Variants in PCDHGC4 observed in about 807,000 individuals in gnomAD.
The protein encoded by PCDHGC4 is protocadherin gamma subfamily C, 4.
PCDHGC4 carries 15 observed loss-of-function variants against 59.7 expected under a neutral mutation model. The ratio of observed to expected loss-of-function variants is 0.25; its 90% CI spans 0.17 to 0.39. PCDHGC4 has a LOEUF of 0.39. PCDHGC4 is among the 10% of genes least tolerant of loss of function. The pLI is 1.00. For synonymous variants in PCDHGC4, 434 were observed against 481.4 expected (o/e 0.90, Z 1.29); for missense variants, 1,016 against 1,189.5 (o/e 0.85, Z 2.15).
rs936419038 is a variant in PCDHGC4 at position 141,493,313 on chromosome 5, G to T, written c.2443-1494G>T. On this transcript the variant is annotated intron_variant, in intron 1 of 3. Transcript: ENST00000306593. This position sits in a 1 kb window ranked among gnomAD's most constrained non-coding sequence, Gnocchi z 4.3. ...TCAAGTTCACAGAGCAAGTAAGAGA[G>T]ATTCTAACCCCTGTCTAACTCCAGA... Among the ~76,000 whole-genome samples, 4 of 152,214 alleles carry T rather than the reference G, an allele frequency of 2.6e-5. No individual in the cohort carries two copies. Among genetic ancestry groups the T allele is most frequent in the Non-Finnish European group, 4.4e-5 (3 of 68,040 alleles).
chr5:141,511,453 T>G lies in PCDHGC4; in HGVS notation c.*280T>G. 1.7e-6 allele frequency: 1 copy of G among 595,822 alleles called. No individual in the cohort carries two copies. Among genetic ancestry groups the G allele is most frequent in the Non-Finnish European group, 2.8e-6 (1 of 360,062 alleles). 36.9% of individuals were successfully genotyped at this position (595,822 alleles called of 1,614,324 possible). ...GGTTACTGTAGACACCAAGAACCATTTGCCACACCCCGTTTAGTTACAGCT... is the reference window on the plus strand; with the variant it reads ...GGTTACTGTAGACACCAAGAACCATGTGCCACACCCCGTTTAGTTACAGCT... On this transcript the variant is annotated 3_prime_UTR_variant, in exon 4 of 4. Transcript: ENST00000306593.
intron 2 of PCDHGC4, among the ~76,000 whole-genome samples, chr5:141,502,845 T>G (rs2099816267): frequency 6.8e-6 from 1 of 147,606 alleles, no homozygotes; most frequent in South Asian, 2.1e-4. Context: ...CTGGCTGAGC[T>G]GCCTAACCCT....
chr5:141,504,010 C>G (rs980812107), intron 2 of PCDHGC4, among the ~76,000 whole-genome samples: 9 of 152,204 alleles, frequency 5.9e-5, no homozygotes, highest in African/African-American at 1.2e-4. Context: ...TTAACTGTCT[C>G]TGCTGGTCTC....
chr5:141,490,322 A>C lies in PCDHGC4; in HGVS notation c.2442+2707A>C. ...GCCTCTTTGGCCAACCCTGTCCTAGAGAGCACACCAGTGGGCACAGTAGTG... is the reference window on the plus strand; with the variant it reads ...GCCTCTTTGGCCAACCCTGTCCTAGCGAGCACACCAGTGGGCACAGTAGTG... On this transcript the variant is annotated intron_variant, in intron 1 of 3. Coordinates refer to ENST00000306593, the MANE Select transcript of PCDHGC4 (RefSeq NM_018928.3). This position sits in a 1 kb window ranked among gnomAD's most constrained non-coding sequence, Gnocchi z 5.4. The C allele has an allele frequency of 6.2e-7, 1 of 1,614,232 alleles. No individual in the cohort carries two copies. Among genetic ancestry groups the C allele is most frequent in the Non-Finnish European group, 8.5e-7 (1 of 1,180,038 alleles).
In PCDHGC4 at chr5:141,493,577, T is replaced by C. The variant is rs2099749081; in HGVS notation, c.2443-1230T>C. On this transcript the variant is annotated intron_variant, in intron 1 of 3. Coordinates refer to ENST00000306593, the MANE Select transcript of PCDHGC4 (RefSeq NM_018928.3). This position sits in a 1 kb window ranked among gnomAD's most constrained non-coding sequence, Gnocchi z 4.3. ...GAGTTCCCCCAGCTCCGTTTCCTCC[T>C]ATCACAATCACTGCATTTCCATGTA... Among the ~76,000 whole-genome samples, 2 of 152,208 alleles carry C rather than the reference T, an allele frequency of 1.3e-5. No homozygotes were observed. The highest frequency in any genetic ancestry group is 1.3e-4 in the Admixed American group (2 of 15,280).
chr5:141,507,796 G>GGGAA (rs2099863457), intron 3 of PCDHGC4, among the ~76,000 whole-genome samples: 1 of 152,220 alleles, frequency 6.6e-6, no homozygotes, highest in Admixed American at 6.5e-5. Flanking sequence ...GTCTAAGCCT[G>GGGAA]CGCCCTGGGG....
intron 2 of PCDHGC4, among the ~76,000 whole-genome samples, chr5:141,497,522 G>A (rs998999424): frequency 3.3e-5 from 5 of 150,848 alleles, no homozygotes; most frequent in African/African-American, 4.9e-5. Flanking sequence ...TAGTTAACTT[G>A]TGGAGGATGC....
chr5:141,502,667 T>G (rs2099815574), intron 2 of PCDHGC4, among the ~76,000 whole-genome samples: 1 of 152,236 alleles, frequency 6.6e-6, no homozygotes. Context: ...TTCATGCAAT[T>G]TTAGTATTCC....
chr5:141,486,673 A>G lies in PCDHGC4; in HGVS notation c.1500A>G (p.Arg500=). The change falls in exon 1 of 4, where the codon CGA becomes CGG. Residue 500 remains arginine (R), a synonymous_variant. Transcript: ENST00000306593. The surrounding 1 kb of genome is among the most constrained non-coding windows in gnomAD (Gnocchi z 5.0). ...ACTCACTCCTGGAGCCCAGGAATCG[A>G]GATGTATCAGCTTCCTCTTTCATCT... ...ISYSLLEPRN[R]DVSASSFISL... The G allele has an allele frequency of 6.2e-7, 1 of 1,614,014 alleles. No homozygotes were observed. The highest frequency in any genetic ancestry group is 2.2e-5 in the East Asian group (1 of 44,866).
At chr5:141,508,681 C>T (rs970069) in intron 3 of PCDHGC4, among the ~76,000 whole-genome samples, 26,289 of 151,984 alleles carry the variant, frequency 0.17, 2,539 homozygotes, top group Admixed American at 0.29. Flanking sequence ...CTCCCTTCTC[C>T]CTGCTTCTCC....
At position 141,485,789 on chromosome 5, in the gene PCDHGC4, T is replaced by G. The variant is rs1276069810; in HGVS notation, c.616T>G (p.Ser206Ala). The G allele has an allele frequency of 1.2e-6, 2 of 1,613,978 alleles. No individual in the cohort carries two copies. The highest frequency in any genetic ancestry group is 1.7e-6 in the Non-Finnish European group (2 of 1,180,030). The change falls in exon 1 of 4, where the codon TCG becomes GCG. Residue 206 changes from serine to alanine, a missense_variant. By Grantham distance (99) the Ser-to-Ala change is moderately conservative. Coordinates refer to ENST00000306593, the MANE Select transcript of PCDHGC4 (RefSeq NM_018928.3). This position sits in a 1 kb window ranked among gnomAD's most constrained non-coding sequence, Gnocchi z 5.7. ...LEKPLDREKQSDYRLVLTAVD... is the reference protein window; with the variant it reads ...LEKPLDREKQADYRLVLTAVD... ...GAAGCCTTTGGATCGAGAGAAGCAATCGGACTACCGCCTGGTGCTGACTGC... is the reference window on the plus strand; with the variant it reads ...GAAGCCTTTGGATCGAGAGAAGCAAGCGGACTACCGCCTGGTGCTGACTGC...
chr5:141,498,971 G>GGGAA (rs201769957), intron 2 of PCDHGC4, among the ~76,000 whole-genome samples: 8,226 of 110,874 alleles, frequency 0.074, 335 homozygotes, highest in Middle Eastern at 0.11. Flanking sequence ...GAGGGAGGGA[G>GGGAA]GGAAGGAAGG....
intron 3 of PCDHGC4, among the ~76,000 whole-genome samples, chr5:141,509,429 T>G (rs2099876771): frequency 6.6e-6 from 1 of 151,964 alleles, no homozygotes; most frequent in Non-Finnish European, 1.5e-5. Context: ...TGAGTCAAAC[T>G]CTTGTTTCCT....
intron 3 of PCDHGC4, 149 bp downstream of exon 3, chr5:141,505,630 A>T: frequency 6.8e-7 from 1 of 1,480,262 alleles, no homozygotes; most frequent in East Asian, 2.4e-5. Flanking sequence ...AATTCCAAAC[A>T]TAAAGCCTGG....
chr5:141,485,359 C>T lies in PCDHGC4; in HGVS notation c.186C>T (p.Arg62=). ...TGGATACGGACAGTCTGTCAGCTCG[C>T]AGGCTGCAGGTCGCTGGAGAGGTGA... is the stretch of plus-strand genomic sequence containing the variant. ...FLLDTDSLSA[R]RLQVAGEVNQ... Residue 62 remains arginine, a synonymous_variant, in exon 1 of 4, where the codon CGC becomes CGT. Transcript: ENST00000306593. The surrounding 1 kb of genome is among the most constrained non-coding windows in gnomAD (Gnocchi z 5.7). 6.2e-7 allele frequency: 1 copy of T among 1,614,144 alleles called. No homozygotes were observed. The highest frequency in any genetic ancestry group is 8.5e-7 in the Non-Finnish European group (1 of 1,180,010).
rs1057108915 is a variant in PCDHGC4 at position 141,511,366 on chromosome 5, T to C, written c.*193T>C. The C allele has an allele frequency of 3.8e-6, 5 of 1,306,414 alleles. No individual in the cohort carries two copies. In the Admixed American group the frequency reaches 8.4e-5, roughly 22 times the overall value. The allele number at this position is 1,306,414 out of a possible 1,614,324, so 80.9% of individuals were successfully genotyped here. A position where few individuals can be genotyped will look rare whatever the true frequency, so the allele number is the denominator to read the frequency against. On this transcript the variant is annotated 3_prime_UTR_variant, in exon 4 of 4. Transcript: ENST00000306593. ...CCCTTCCCCCCCAGGGGGTTGAATA[T>C]GCAAAAGCAGTTCCGCTGGGAACCC...
chr5:141,498,737 G>A (rs1176793634), intron 2 of PCDHGC4, among the ~76,000 whole-genome samples: 1 of 152,076 alleles, frequency 6.6e-6, no homozygotes, highest in African/African-American at 2.4e-5. Context: ...TTTGAGACCA[G>A]CCTGGCCAAC....
At position 141,490,597 on chromosome 5, in the gene PCDHGC4, C is replaced by G. The variant is rs781077720; in HGVS notation, c.2442+2982C>G. 1 of 1,614,182 alleles carries G rather than the reference C, an allele frequency of 6.2e-7. No homozygotes were observed. On this transcript the variant is annotated intron_variant, in intron 1 of 3. Transcript: ENST00000306593. This position sits in a 1 kb window ranked among gnomAD's most constrained non-coding sequence, Gnocchi z 5.4. ...TTCAGATGTCAATGACAATGCACCC[C>G]GCTTCAACCAGCAGCTTTACACTGC...
rs201857404 is a variant in PCDHGC4, at chr5:141,485,844, G to C, written c.671G>C (p.Gly224Ala). The C allele has an allele frequency of 1.1e-5, 18 of 1,613,772 alleles. No homozygotes were observed. The highest frequency in any genetic ancestry group is 1.4e-5 in the Non-Finnish European group (16 of 1,179,956). ...GATGGAGGGAACCCGCCGAGATCTG[G>C]CACCGCAGAGCTCCGGGTATCCGTG... is the stretch of plus-strand genomic sequence containing the variant. ...AVDGGNPPRS[G>A]TAELRVSVLD... Residue 224 changes from glycine to alanine, a missense_variant, in exon 1 of 4, where the codon GGC becomes GCC. Gly to Ala is a moderately conservative substitution (Grantham distance 60, BLOSUM62 0). Transcript: ENST00000306593. This position sits in a 1 kb window ranked among gnomAD's most constrained non-coding sequence, Gnocchi z 5.7.
Sources: gnomAD v4.1 joint callset for allele counts (sites outside exome capture counted in the v4.1 genomes callset) on GRCh38, gnomAD v4.1.1 for gene constraint, Gnocchi (gnomAD v3.1) non-coding constraint, MANE v1.5 for transcripts, NCBI Gene and HGNC (gene_info 2026-07-23, HGNC 2026-07-21) for gene names.